The following ABCG2 variants were observed in gnomAD, a reference collection of about 807,000 sequenced individuals.
The protein encoded by ABCG2 is broad substrate specificity ATP-binding cassette transporter ABCG2.
In ABCG2, 80 loss-of-function variants were observed where a neutral mutation model predicts 73.5. The observed-to-expected ratio is 1.09, with a 90% CI of 0.91 to 1.31. The LOEUF is 1.31. Among genes scored for constraint, ABCG2 ranks in the 50% most tolerant of loss-of-function variants. The pLI, the probability that ABCG2 is intolerant of heterozygous loss-of-function variation, is 0.00. For missense variants in ABCG2, 796 were observed against 786.2 expected, an observed-to-expected ratio of 1.01 and a Z score of -0.15; for synonymous variants, 269 against 282.4, an observed-to-expected ratio of 0.95 and a Z score of 0.48.
intron 1 of ABCG2, among the ~76,000 whole-genome samples, chr4:88,178,093 C>G (rs572886958): frequency 4.5e-4 from 69 of 152,296 alleles, no homozygotes; most frequent in Non-Finnish European, 9.4e-4. Flanking sequence ...CCAGCTGGGG[C>G]AGCTAAGGGA....
At chr4:88,107,403 A>G in intron 9 of ABCG2, 137 bp from the exon 10 acceptor site, 1 of 578,438 alleles carries the variant, frequency 1.7e-6, no homozygotes, top group Admixed American at 3.5e-5. Flanking sequence ...TGGCTTGGCC[A>G]ACGTCCCTGG....
intron 1 of ABCG2, among the ~76,000 whole-genome samples, chr4:88,169,079 T>TCTGTCAC (rs1560734033): frequency 1.3e-5 from 2 of 148,494 alleles, no homozygotes; most frequent in African/African-American, 5.0e-5. Flanking sequence ...AAGGTCTCAC[T>TCTGTCAC]CTGTCACGCA....
At chr4:88,155,304 G>A (rs144587525) in intron 1 of ABCG2, among the ~76,000 whole-genome samples, 1 of 152,176 alleles carries the variant, frequency 6.6e-6, no homozygotes, top group African/African-American at 2.4e-5. Flanking sequence ...ACGATTGGCA[G>A]GGAGAGCACG....
chr4:88,107,390 C>A, intron 9 of ABCG2, 124 bp from the exon 10 acceptor site: 1 of 637,986 alleles, frequency 1.6e-6, no homozygotes, highest in South Asian at 2.7e-5. Flanking sequence ...GATAAACACT[C>A]AATGGCTTGG....
At chr4:88,094,966 A>G (rs992559907) in intron 14 of ABCG2, among the ~76,000 whole-genome samples, 1 of 152,236 alleles carries the variant, frequency 6.6e-6, no homozygotes, top group South Asian at 2.1e-4. Context: ...AAACATTCTA[A>G]TTAAAATGAT....
chr4:88,157,766 C>T (rs1055188828), intron 1 of ABCG2, among the ~76,000 whole-genome samples: 49 of 152,114 alleles, frequency 3.2e-4, no homozygotes, highest in African/African-American at 9.9e-4. Context: ...TTCCTTACTA[C>T]TCTGGTGTAT....
intron 11 of ABCG2, among the ~76,000 whole-genome samples, chr4:88,100,621 G>A (rs1722342010): frequency 6.6e-6 from 1 of 151,784 alleles, no homozygotes. Flanking sequence ...CTGGACTCCA[G>A]CCTGGGCGAC....
intron 1 of ABCG2, among the ~76,000 whole-genome samples, chr4:88,211,190 C>T (rs954121502): frequency 2.0e-5 from 3 of 151,948 alleles, no homozygotes; most frequent in Non-Finnish European, 4.4e-5. Context: ...GGGGACTTAA[C>T]AAAAGCCACT....
At chr4:88,218,237 A>G (rs1284028575) in intron 1 of ABCG2, among the ~76,000 whole-genome samples, 1 of 152,064 alleles carries the variant, frequency 6.6e-6, no homozygotes, top group Non-Finnish European at 1.5e-5. Context: ...TGCCTTCCTG[A>G]TTACTTCTTA....
chr4:88,221,684 G>T (rs1371345284), intron 1 of ABCG2, among the ~76,000 whole-genome samples: 1 of 152,190 alleles, frequency 6.6e-6, no homozygotes, highest in Non-Finnish European at 1.5e-5. Context: ...TATGCAACAA[G>T]ACTGGTGGCA....
intron 1 of ABCG2, among the ~76,000 whole-genome samples, chr4:88,224,234 G>C (rs1247235836): frequency 6.6e-6 from 1 of 152,132 alleles, no homozygotes; most frequent in Non-Finnish European, 1.5e-5. Context: ...TGGATCACTT[G>C]AGCTCAGCCT....
intron 1 of ABCG2, among the ~76,000 whole-genome samples, chr4:88,229,433 A>T (rs547234138): frequency 6.6e-6 from 1 of 152,300 alleles, no homozygotes; most frequent in Non-Finnish European, 1.5e-5. Context: ...GAGCCCAGGA[A>T]TTCGAGACCA....
chr4:88,222,132 C>A (rs1267527617), intron 1 of ABCG2, among the ~76,000 whole-genome samples: 1 of 152,224 alleles, frequency 6.6e-6, no homozygotes, highest in African/African-American at 2.4e-5. Context: ...CAGGCCATTG[C>A]CTCAGTGGGT....
rs1304534741 is a variant in ABCG2, at chr4:88,108,240, G to A, written c.1195-974C>T. ...AGTTAAATATTAAAAAACAAGAAAT[G>A]GGCTGGGCGTGGTGGCTCATGCCTG... is the stretch of plus-strand genomic sequence containing the variant. On this transcript the variant is annotated intron_variant, in intron 9 of 15. Transcript: ENST00000237612. Among the ~76,000 whole-genome samples, 3 of 152,108 alleles carry A rather than the reference G, an allele frequency of 2.0e-5. No homozygotes were observed. The East Asian group carries it at 5.8e-4, about 29-fold the overall frequency.
At chr4:88,225,218 C>T (rs1178068548) in intron 1 of ABCG2, among the ~76,000 whole-genome samples, 2 of 152,136 alleles carry the variant, frequency 1.3e-5, no homozygotes, top group Non-Finnish European at 2.9e-5. Context: ...ATTGTATGGG[C>T]TGTGTCATGA....
chr4:88,103,312 A>G (rs1722564300), intron 10 of ABCG2, among the ~76,000 whole-genome samples: 1 of 152,226 alleles, frequency 6.6e-6, no homozygotes, highest in Non-Finnish European at 1.5e-5. Flanking sequence ...GTTCCTTCTA[A>G]ATACTAAGAT....
intron 6 of ABCG2, among the ~76,000 whole-genome samples, 175 bp downstream of exon 6, chr4:88,121,460 A>G (rs1009461555): frequency 2.6e-5 from 4 of 152,214 alleles, no homozygotes; most frequent in Non-Finnish European, 4.4e-5. Context: ...ATCCTTCCCT[A>G]CATTCTTACC....
chr4:88,197,592 G>A (rs1728984860), intron 1 of ABCG2, among the ~76,000 whole-genome samples: 1 of 152,076 alleles, frequency 6.6e-6, no homozygotes, highest in Admixed American at 6.6e-5. Flanking sequence ...ACTCCAGCCT[G>A]AGCAACAAAG....
At chr4:88,230,291 T>TAA (rs779334338) in intron 1 of ABCG2, among the ~76,000 whole-genome samples, 29,861 of 57,844 alleles carry the variant, frequency 0.52, 4,885 homozygotes, top group Non-Finnish European at 0.53. Flanking sequence ...ACCGCACCTG[T>TAA]TATATATATA....
Sources: allele counts gnomAD v4.1 joint callset (sites outside exome capture counted in the v4.1 genomes callset), GRCh38; gene constraint gnomAD v4.1.1; transcripts MANE v1.5; gene names NCBI Gene and HGNC (gene_info 2026-07-23, HGNC 2026-07-21).